CGREF1: variants seen among roughly 807,000 people sequenced by gnomAD.
CGREF1 encodes cell growth regulator with EF hand domain protein 1.
Under a neutral mutation model 17.4 loss-of-function variants are expected in CGREF1, and 16 were observed. The observed-to-expected ratio is 0.92, with a 90% confidence interval of 0.62 to 1.40. CGREF1 has a LOEUF of 1.40. CGREF1 is among the 40% of genes most tolerant of loss of function. The probability of loss-of-function intolerance (pLI) is 0.00; values close to 1 mark genes in which losing one functional copy is unlikely to be tolerated. For missense variants in CGREF1, 296 were observed against 376.4 expected (o/e 0.79, Z 1.77); for synonymous variants, 142 against 154.6 (o/e 0.92, Z 0.61).
Position 27,101,430 on chromosome 2 carries a change from TCCTTCA to T in CGREF1, c.795_800del (p.Glu266_Gly267del). ...CTTCCCCTCTGGGCCCGGGGGCATC[TCCTTCA>T]GCCTCTGCCTGGCCCCCAGCTTCCC... On this transcript the variant is annotated inframe_deletion, in exon 6 of 6. Coordinates refer to ENST00000402394, the MANE Select transcript of CGREF1 (RefSeq NM_006569.6). 7.8e-7 allele frequency: 1 copy of T among 1,288,998 alleles called. No homozygotes were observed. The highest frequency in any genetic ancestry group is 1.0e-6 in the Non-Finnish European group (1 of 1,004,984). 79.8% of individuals were successfully genotyped at this position (1,288,998 alleles called of 1,614,324 possible).
chr2:27,105,286 G>A (rs1572895048), intron 1 of CGREF1, among the ~76,000 whole-genome samples: 1 of 152,280 alleles, frequency 6.6e-6, no homozygotes, highest in Non-Finnish European at 1.5e-5. Flanking sequence ...TCCCCATCTG[G>A]CTGACACTGG....
At chr2:27,113,347 C>T (rs1671459801) in intron 1 of CGREF1, among the ~76,000 whole-genome samples, 1 of 151,986 alleles carries the variant, frequency 6.6e-6, no homozygotes, top group Non-Finnish European at 1.5e-5. Flanking sequence ...GGCAAGCATC[C>T]GTAGGGAAGG....
chr2:27,117,802 G>A (rs1353621918), intron 1 of CGREF1, among the ~76,000 whole-genome samples: 3 of 148,394 alleles, frequency 2.0e-5, no homozygotes, highest in African/African-American at 5.0e-5. Context: ...TCCGCCTCCC[G>A]GGTTCACGCC....
At chr2:27,104,553 C>T in intron 1 of CGREF1, 176 bp from the exon 2 acceptor site, 2 of 1,550,668 alleles carry the variant, frequency 1.3e-6, no homozygotes, top group Non-Finnish European at 1.7e-6. Flanking sequence ...TGGAACTATG[C>T]TCAAAATAAA....
rs185629453 is a variant in CGREF1, at chr2:27,113,902, G to A, written c.-12+4944C>T. On this transcript the variant is annotated intron_variant, in intron 1 of 5. Coordinates refer to ENST00000402394, the MANE Select transcript of CGREF1 (RefSeq NM_006569.6). ...TCTGTTTACTGCTAGGACCCAGGCC[G>A]ACAGGAGGCACTGGAGTCATTTAAA... Among the ~76,000 whole-genome samples, 329 of 151,628 alleles carry A rather than the reference G, an allele frequency of 2.2e-3. 8 individuals are homozygous for A. Among genetic ancestry groups the A allele is most frequent in the Admixed American group, 0.017 (257 of 15,224 alleles).
intron 1 of CGREF1, among the ~76,000 whole-genome samples, chr2:27,111,430 T>C (rs2148395334): frequency 6.6e-6 from 1 of 152,334 alleles, no homozygotes; most frequent in East Asian, 1.9e-4. Context: ...CCCACCAGAC[T>C]CAAGAGCTCA....
At chr2:27,102,866 C>A in intron 2 of CGREF1, 4 of 922,700 alleles carry the variant, frequency 4.3e-6, no homozygotes, top group Non-Finnish European at 5.2e-6. Flanking sequence ...TGAGGCCACA[C>A]CTAGTAGACA....
intron 1 of CGREF1, chr2:27,104,861 C>A: frequency 7.4e-7 from 1 of 1,359,566 alleles, no homozygotes. Flanking sequence ...ATTAAAAACC[C>A]ACTGAAGAAC....
In CGREF1 at chr2:27,100,929, G is replaced by T; in HGVS notation, c.*345C>A. ...TTTCCTCACTGGGTCCTCTGCAGCC[G>T]GCCATGGCTAGCACCATGCGCTCTG... is the stretch of plus-strand genomic sequence containing the variant. On this transcript the variant is annotated 3_prime_UTR_variant, in exon 6 of 6. Coordinates refer to ENST00000402394, the MANE Select transcript of CGREF1 (RefSeq NM_006569.6). 1 of 1,104,614 alleles carries T rather than the reference G, an allele frequency of 9.1e-7. No individual in the cohort carries two copies. Among genetic ancestry groups the T allele is most frequent in the Non-Finnish European group, 1.1e-6 (1 of 905,268 alleles). The allele number at this position is 1,104,614 out of a possible 1,614,324, so 68.4% of individuals were successfully genotyped here. A position where few individuals can be genotyped will look rare whatever the true frequency, so the allele number is the denominator to read the frequency against.
At chr2:27,099,640 A>T (rs1192189618), downstream of CGREF1, 1 of 1,614,094 alleles carries the variant, frequency 6.2e-7, no homozygotes, top group South Asian at 1.1e-5. Context: ...CACCTGGCTG[A>T]CCTAGCTACT....
chr2:27,109,315 T>G (rs2148391636), intron 1 of CGREF1, among the ~76,000 whole-genome samples: 1 of 148,924 alleles, frequency 6.7e-6, no homozygotes, highest in East Asian at 2.0e-4. Flanking sequence ...AAGGAGGCAG[T>G]GAGCTCTGAT....
At chr2:27,111,112 T>G (rs1057137008) in intron 1 of CGREF1, 2 of 152,310 alleles carry the variant, frequency 1.3e-5, no homozygotes, top group African/African-American at 4.8e-5. Context: ...CACTACTGGC[T>G]CTGGCAGCCT....
rs760893473 is a variant in CGREF1 at position 27,101,223 on chromosome 2, GGGCTTATGTTCT to G, written c.*39_*50del. ...GCGTACATTTCCCCTGCCCACTTCA[GGGCTTATGTTCT>G]GGCACTGAGACTTCGTGGGGTACCT... is the stretch of plus-strand genomic sequence containing the variant. On this transcript the variant is annotated 3_prime_UTR_variant, in exon 6 of 6. Transcript: ENST00000402394. 3.6e-5 allele frequency: 54 copies of G among 1,518,324 alleles called. No individual in the cohort carries two copies. Among genetic ancestry groups the G allele is most frequent in the Admixed American group, 4.4e-5 (2 of 45,270 alleles). 94.1% of individuals were successfully genotyped at this position (1,518,324 alleles called of 1,614,324 possible). A position where few individuals can be genotyped will look rare whatever the true frequency, so the allele number is the denominator to read the frequency against.
intron 1 of CGREF1, among the ~76,000 whole-genome samples, chr2:27,116,872 T>TCTCC: frequency 7.8e-5 from 1 of 12,800 alleles, no homozygotes; most frequent in South Asian, 2.7e-3. Context: ...CCAGGCCTAT[T>TCTCC]CTCTCTCTCT....
At chr2:27,105,550 T>TTTC (rs2148386009) in intron 1 of CGREF1, among the ~76,000 whole-genome samples, 1 of 151,546 alleles carries the variant, frequency 6.6e-6, no homozygotes, top group East Asian at 1.9e-4. Flanking sequence ...ATTTTTCTTT[T>TTTC]TTTTCTTTTT....
chr2:27,103,386 T>TTC (rs1288035337), intron 2 of CGREF1, among the ~76,000 whole-genome samples: 1 of 151,288 alleles, frequency 6.6e-6, no homozygotes, highest in Admixed American at 6.6e-5. Flanking sequence ...AGGTCTTTTT[T>TTC]TTTCTGAGAT....
intron 1 of CGREF1, among the ~76,000 whole-genome samples, chr2:27,117,512 TAA>T (rs1038574300): frequency 6.6e-6 from 1 of 152,190 alleles, no homozygotes; most frequent in African/African-American, 2.4e-5. Flanking sequence ...TGTAATTTAA[TAA>T]AGTTATGTCA....
intron 1 of CGREF1, among the ~76,000 whole-genome samples, chr2:27,115,598 CCA>C (rs1671538490): frequency 6.6e-6 from 1 of 152,322 alleles, no homozygotes; most frequent in Non-Finnish European, 1.5e-5. Context: ...AAAGAACCCT[CCA>C]CACCCACATC....
At chr2:27,100,170 C>T (rs1238638357), downstream of CGREF1, 5 of 478,656 alleles carry the variant, frequency 1.0e-5, no homozygotes, top group Non-Finnish European at 1.9e-5. Flanking sequence ...CGGTGCCCCA[C>T]ACCCAGTGAA....
Sources: gnomAD v4.1 joint callset for allele counts (sites outside exome capture counted in the v4.1 genomes callset) on GRCh38, gnomAD v4.1.1 for gene constraint, MANE v1.5 for transcripts, NCBI Gene and HGNC (gene_info 2026-07-23, HGNC 2026-07-21) for gene names.